Variants in URB2 observed in about 807,000 individuals in gnomAD.
URB2 encodes the protein URB2 ribosome biogenesis homolog, also known as unhealthy ribosome biogenesis protein 2 homolog.
URB2 carries 86 observed loss-of-function variants against 120.9 expected under a neutral mutation model. That is an observed-to-expected ratio of 0.71 (90% confidence interval 0.60 to 0.85). URB2 has a LOEUF of 0.85. URB2 is among the 40% of genes least tolerant of loss of function. The pLI, the probability that URB2 is intolerant of heterozygous loss-of-function variation, is 0.00. For missense variants in URB2, 1,765 were observed against 1,836.5 expected, an observed-to-expected ratio of 0.96 and a Z score of 0.71; for synonymous variants, 755 against 758.4, an observed-to-expected ratio of 1.00 and a Z score of 0.07.
intron 7 of URB2, among the ~76,000 whole-genome samples, chr1:229,649,606 G>T (rs1331558050): frequency 6.6e-6 from 1 of 152,144 alleles, no homozygotes; most frequent in African/African-American, 2.4e-5. Context: ...CATCTGTTGG[G>T]GTTGTGTAGG....
At position 229,632,319 on chromosome 1, in the gene URB2, G is replaced by T; in HGVS notation, c.177G>T (p.Lys59Asn). Residue 59 changes from lysine to asparagine, a missense_variant, in exon 3 of 10, where the codon AAG becomes AAT. Coordinates refer to ENST00000258243, the MANE Select transcript of URB2 (RefSeq NM_014777.4). The stretch of plus-strand genomic sequence containing the variant: ...CATTGGTTGCATTTTATAAGAAAAA[G>T]CTTGAACTGAAGGAAGATATTGTTG... ...RQSLVAFYKK[K>N]LELKEDIVER... 1 of 1,591,304 alleles carries T rather than the reference G, an allele frequency of 6.3e-7. No individual in the cohort carries two copies. The highest frequency in any genetic ancestry group is 8.5e-7 in the Non-Finnish European group (1 of 1,172,854).
chr1:229,635,810 C>T lies in URB2; in HGVS notation c.1197C>T (p.Asn399=). ...GCCACGTGGCTGAGCTGCTGATAAA[C>T]CATGCACAAGCACCCATACCGGCCT... The part of the protein sequence containing the change: ...FYRHVAELLI[N]HAQAPIPAWF... Residue 399 remains asparagine (N), a synonymous_variant, in exon 4 of 10, where the codon AAC becomes AAT. Transcript: ENST00000258243. 6.2e-7 allele frequency: 1 copy of T among 1,614,168 alleles called. No homozygotes were observed. Among genetic ancestry groups the T allele is most frequent in the Non-Finnish European group, 8.5e-7 (1 of 1,180,008 alleles).
At chr1:229,658,823 C>T (rs982774471) in intron 9 of URB2, among the ~76,000 whole-genome samples, 2 of 152,192 alleles carry the variant, frequency 1.3e-5, no homozygotes, top group Non-Finnish European at 2.9e-5. Context: ...ATTTACTGAA[C>T]AGCAAAGCCA....
rs1305849413 is a variant in URB2, at chr1:229,636,446, C to T, written c.1833C>T (p.Tyr611=). ...GTGACTCTGTGCTCCTGCTCTCTTA[C>T]ACTTGGGCCCAGGTGGACGCTATGT... The part of the protein sequence containing the change: ...KVSDSVLLLS[Y]TWAQVDAMFS... Residue 611 remains tyrosine (Y), a synonymous_variant, in exon 4 of 10, where the codon TAC becomes TAT. Coordinates refer to ENST00000258243, the MANE Select transcript of URB2 (RefSeq NM_014777.4). 6.2e-7 allele frequency: 1 copy of T among 1,614,288 alleles called. No homozygotes were observed.
intron 4 of URB2, among the ~76,000 whole-genome samples, chr1:229,641,915 C>A (rs1043532027): frequency 6.6e-6 from 1 of 152,004 alleles, no homozygotes; most frequent in South Asian, 2.1e-4. Context: ...AAGGCTGAGG[C>A]GAGAGGACCC....
rs759590108 is a variant in URB2, at chr1:229,635,574, C to T, written c.961C>T (p.Gln321Ter). Reference protein sequence around the residue: ...FLDSYFKEGNQLLCFQVLPRL... With the variant: ...FLDSYFKEGN ...AGATTCTTACTTTAAGGAGGGAAAC[C>T]AGCTTCTCTGCTTCCAGGTTCTCCC... Residue 321 changes from glutamine to a stop codon, truncating the protein, a stop_gained, in exon 4 of 10, where the codon CAG becomes TAG. Coordinates refer to ENST00000258243, the MANE Select transcript of URB2 (RefSeq NM_014777.4). LOFTEE classifies it high-confidence loss of function. 1.2e-6 allele frequency: 2 copies of T among 1,614,096 alleles called. No homozygotes were observed. Among genetic ancestry groups the T allele is most frequent in the East Asian group, 4.5e-5 (2 of 44,882 alleles).
At chr1:229,645,492 C>T (rs1039930475) in intron 5 of URB2, among the ~76,000 whole-genome samples, 1 of 152,140 alleles carries the variant, frequency 6.6e-6, no homozygotes, top group Admixed American at 6.5e-5. Context: ...GAAGTAACAG[C>T]CAGTGTCCTC....
At chr1:229,632,752 CT>C (rs1665703417) in intron 3 of URB2, among the ~76,000 whole-genome samples, 1 of 150,516 alleles carries the variant, frequency 6.6e-6, no homozygotes, top group Admixed American at 6.6e-5. Flanking sequence ...TCTTCTTTAC[CT>C]TTCTTTTGGG....
chr1:229,651,273 C>T lies in URB2; in HGVS notation c.4188C>T (p.Phe1396=). 6.2e-7 allele frequency: 1 copy of T among 1,612,298 alleles called. No homozygotes were observed. Among genetic ancestry groups the T allele is most frequent in the Non-Finnish European group, 8.5e-7 (1 of 1,179,258 alleles). ...LKAIPSFLNS[F]NRLVFSVMRE... is the part of the protein sequence containing the mutation. ...CCATCCCTTCTTTCTTGAACTCTTTCAATAGATTGGTGTTTTCAGTTATGC... is the reference window on the plus strand; with the variant it reads ...CCATCCCTTCTTTCTTGAACTCTTTTAATAGATTGGTGTTTTCAGTTATGC... Residue 1396 remains phenylalanine (F), a synonymous_variant, in exon 8 of 10, where the codon TTC becomes TTT. Transcript: ENST00000258243.
At chr1:229,629,095 T>C (rs982432170) in intron 2 of URB2, among the ~76,000 whole-genome samples, 7 of 152,224 alleles carry the variant, frequency 4.6e-5, no homozygotes, top group African/African-American at 9.7e-5. Flanking sequence ...CATACTGTTA[T>C]TGACAGTTCT....
intron 3 of URB2, among the ~76,000 whole-genome samples, chr1:229,633,265 T>G (rs922561441): frequency 1.3e-5 from 2 of 152,256 alleles, no homozygotes; most frequent in Non-Finnish European, 2.9e-5. Flanking sequence ...TGTTCCAAAC[T>G]GGGTCACTTT....
At chr1:229,645,109 A>G (rs1666108017) in intron 5 of URB2, among the ~76,000 whole-genome samples, 1 of 151,916 alleles carries the variant, frequency 6.6e-6, no homozygotes, top group South Asian at 2.1e-4. Context: ...ACATAGTGAA[A>G]CCCCGTCCCT....
At chr1:229,626,493 C>T (rs1406083311) in intron 1 of URB2, 137 bp downstream of exon 1, 1 of 152,710 alleles carries the variant, frequency 6.5e-6, no homozygotes, top group Non-Finnish European at 1.5e-5. Context: ...CTGCCCAGTT[C>T]CGGTGCCGCC....
chr1:229,655,020 C>T (rs901316601), intron 9 of URB2, among the ~76,000 whole-genome samples: 3 of 152,142 alleles, frequency 2.0e-5, no homozygotes, highest in African/African-American at 7.2e-5. Context: ...AGTTCTAGAC[C>T]TCAGGATTCT....
In URB2 at chr1:229,637,677, A is replaced by T. The variant is rs1371119567; in HGVS notation, c.3064A>T (p.Asn1022Tyr). 6.2e-7 allele frequency: 1 copy of T among 1,614,140 alleles called. No individual in the cohort carries two copies. Among genetic ancestry groups the T allele is most frequent in the African/African-American group, 1.3e-5 (1 of 74,950 alleles). Reference protein sequence around the residue: ...LIQMKLSLVLNFRKITAFLSS... With the variant: ...LIQMKLSLVLYFRKITAFLSS... ...CCAAATGAAGCTGAGCTTGGTGCTC[A>T]ATTTTAGAAAAATCACCGCATTCCT... The change falls in exon 4 of 10, where the codon AAT (asparagine) becomes TAT (tyrosine). Residue 1022 changes from asparagine (N) to tyrosine (Y), a missense_variant. By Grantham distance (143) the Asn-to-Tyr change is moderately radical. Transcript: ENST00000258243.
chr1:229,643,452 G>A lies in URB2; in HGVS notation c.3635-81G>A, dbSNP rs369167624. The stretch of plus-strand genomic sequence containing the variant: ...GTGATTTTTGATGGCGGCCACAGCT[G>A]TGCGCAGTTTCATCCTATGGCTACT... On this transcript the variant is annotated intron_variant, in intron 4 of 9. Transcript: ENST00000258243. The A allele has an allele frequency of 3.3e-5, 50 of 1,533,984 alleles. No homozygotes were observed. The East Asian group carries it at 7.4e-4, about 23-fold the overall frequency.
At chr1:229,627,575 C>A in intron 1 of URB2, 46 bp from the exon 2 acceptor site, 1 of 1,584,350 alleles carries the variant, frequency 6.3e-7, no homozygotes, top group South Asian at 1.2e-5. Context: ...CCTGCTCAGT[C>A]TGACATTGTT....
rs1324418546 is a variant in URB2 at position 229,636,787 on chromosome 1, G to A, written c.2174G>A (p.Gly725Asp). 2 of 1,612,142 alleles carry A rather than the reference G, an allele frequency of 1.2e-6. No individual in the cohort carries two copies. The highest frequency in any genetic ancestry group is 1.7e-6 in the Non-Finnish European group (2 of 1,178,700). ...CAGAGAACGACGGCTTCCTGGGATGGCCAAGTTGGGATGGTGAGTGGACTC... is the reference window on the plus strand; with the variant it reads ...CAGAGAACGACGGCTTCCTGGGATGACCAAGTTGGGATGGTGAGTGGACTC... The part of the protein sequence containing the change: ...LNQRTTASWD[G>D]QVGMVSGLTY... The change falls in exon 4 of 10, where the codon GGC (glycine) becomes GAC (aspartate). Residue 725 changes from glycine to aspartate, a missense_variant. By Grantham distance (94) the Gly-to-Asp change is moderately conservative. Coordinates refer to ENST00000258243, the MANE Select transcript of URB2 (RefSeq NM_014777.4).
chr1:229,628,910 A>G (rs1248861066), intron 2 of URB2, among the ~76,000 whole-genome samples: 1 of 152,228 alleles, frequency 6.6e-6, no homozygotes, highest in African/African-American at 2.4e-5. Context: ...AGCAGCGGTC[A>G]TATCCAGTGC....
Sources: gnomAD v4.1 joint callset for allele counts (sites outside exome capture counted in the v4.1 genomes callset) on GRCh38, gnomAD v4.1.1 for gene constraint, MANE v1.5 for transcripts, NCBI Gene and HGNC (gene_info 2026-07-23, HGNC 2026-07-21) for gene names.